The following CTNNBL1 variants were observed in gnomAD, a reference collection of about 807,000 sequenced individuals.
The protein encoded by CTNNBL1 is beta-catenin-like protein 1.
A neutral mutation model predicts 72.7 loss-of-function variants in CTNNBL1; 31 were observed. That is an observed-to-expected ratio of 0.43 (90% confidence interval 0.32 to 0.58). The LOEUF (loss-of-function observed/expected upper bound fraction) is 0.58, where lower values mean the gene tolerates loss of function less well. Among genes scored for constraint, CTNNBL1 ranks in the 20% least tolerant of loss-of-function variants. CTNNBL1 has a pLI of 0.08. For synonymous variants in CTNNBL1, 240 were observed against 267.3 expected, an observed-to-expected ratio of 0.90 and a Z score of 1.00; for missense variants, 534 against 725.1, an observed-to-expected ratio of 0.74 and a Z score of 3.03.
At chr20:37,699,000 C>G (rs958592790) in intron 1 of CTNNBL1, among the ~76,000 whole-genome samples, 3 of 152,180 alleles carry the variant, frequency 2.0e-5, no homozygotes, top group African/African-American at 7.2e-5. Context: ...GAGCCAAGAT[C>G]ATGCCACTGT....
chr20:37,870,762 C>T (rs1429591927), intron 15 of CTNNBL1, among the ~76,000 whole-genome samples: 1 of 152,172 alleles, frequency 6.6e-6, no homozygotes, highest in African/African-American at 2.4e-5. Flanking sequence ...CAGCCCTTAC[C>T]GTGGTGCACA....
intron 3 of CTNNBL1, chr20:37,744,697 C>T (rs1004025267): frequency 2.0e-5 from 3 of 152,010 alleles, no homozygotes; most frequent in African/African-American, 7.3e-5. Flanking sequence ...GGAGAAGGAC[C>T]CATAGCAGTT....
intron 1 of CTNNBL1, among the ~76,000 whole-genome samples, chr20:37,718,289 A>AC (rs1321833156): frequency 8.4e-6 from 1 of 118,948 alleles, no homozygotes; most frequent in South Asian, 2.7e-4. Flanking sequence ...CGGGGGGCTG[A>AC]CCCCCCCACC....
At chr20:37,712,996 A>G (rs1206660898) in intron 1 of CTNNBL1, among the ~76,000 whole-genome samples, 1 of 152,196 alleles carries the variant, frequency 6.6e-6, no homozygotes, top group Non-Finnish European at 1.5e-5. Flanking sequence ...TAGAGTTTCA[A>G]AGGGCTGCTA....
At chr20:37,710,494 G>A (rs1568745965) in intron 1 of CTNNBL1, among the ~76,000 whole-genome samples, 2 of 152,146 alleles carry the variant, frequency 1.3e-5, no homozygotes, top group African/African-American at 4.8e-5. Flanking sequence ...CGAAGTCTGT[G>A]AGATACTAGA....
chr20:37,777,427 CCT>C lies in CTNNBL1; in HGVS notation c.823+14_823+15del, dbSNP rs2073585897. Reference sequence around the variant, plus strand: ...CTCCAGGACAATGATGGTGAGGCGCCCTCTCAGTATTGATATTCTGTTAGGAT... The same window carrying C: ...CTCCAGGACAATGATGGTGAGGCGCCCTCAGTATTGATATTCTGTTAGGAT... On this transcript the variant is annotated intron_variant, in intron 8 of 15. Coordinates refer to ENST00000361383, the MANE Select transcript of CTNNBL1 (RefSeq NM_030877.5). The C allele has an allele frequency of 1.2e-6, 2 of 1,612,610 alleles. No homozygotes were observed. Among genetic ancestry groups the C allele is most frequent in the Middle Eastern group, 1.7e-4 (1 of 6,054 alleles).
intron 11 of CTNNBL1, among the ~76,000 whole-genome samples, chr20:37,807,600 T>C (rs566481814): frequency 6.6e-6 from 1 of 152,340 alleles, no homozygotes; most frequent in South Asian, 2.1e-4. Context: ...AAGGTGACTC[T>C]AAAGAGGGGA....
chr20:37,780,242 A>G (rs952268465), intron 10 of CTNNBL1, among the ~76,000 whole-genome samples: 2 of 152,022 alleles, frequency 1.3e-5, no homozygotes, highest in East Asian at 1.9e-4. Flanking sequence ...GAACTAAGAT[A>G]TTTCTTTGGA....
At chr20:37,727,091 T>G (rs2073091504) in intron 1 of CTNNBL1, among the ~76,000 whole-genome samples, 2 of 152,174 alleles carry the variant, frequency 1.3e-5, no homozygotes, top group South Asian at 4.1e-4. Flanking sequence ...TACATTACTT[T>G]GAGCTCAATA....
intron 15 of CTNNBL1, among the ~76,000 whole-genome samples, chr20:37,865,217 A>G (rs1600538738): frequency 6.6e-6 from 1 of 152,250 alleles, no homozygotes; most frequent in South Asian, 2.1e-4. Flanking sequence ...CCTGTCCCCA[A>G]CAGGCATACG....
At chr20:37,861,282 A>C (rs1034217115) in intron 15 of CTNNBL1, among the ~76,000 whole-genome samples, 2 of 152,030 alleles carry the variant, frequency 1.3e-5, no homozygotes, top group African/African-American at 4.8e-5. Context: ...CTTTGACTGG[A>C]CCTGACTCAG....
chr20:37,761,680 A>G (rs1208566226), intron 5 of CTNNBL1, among the ~76,000 whole-genome samples: 1 of 152,232 alleles, frequency 6.6e-6, no homozygotes, highest in Non-Finnish European at 1.5e-5. Flanking sequence ...GTATGAGTGT[A>G]GGGAGAGACA....
At chr20:37,853,686 T>C (rs1216681837) in intron 13 of CTNNBL1, among the ~76,000 whole-genome samples, 17 of 152,234 alleles carry the variant, frequency 1.1e-4, no homozygotes, top group Non-Finnish European at 1.5e-5. Context: ...ATAAAGGTGA[T>C]GCCGTCTTCT....
intron 1 of CTNNBL1, among the ~76,000 whole-genome samples, chr20:37,727,818 G>A (rs2073097541): frequency 6.6e-6 from 1 of 152,188 alleles, no homozygotes; most frequent in Admixed American, 6.5e-5. Flanking sequence ...TGGATCAAGA[G>A]CCCTTTGGCT....
chr20:37,802,926 C>G lies in CTNNBL1; in HGVS notation c.1091C>G (p.Pro364Arg), dbSNP rs1230823529. Reference sequence around the variant, plus strand: ...GTGCTGGACCATGCCATGATTGGCCCCGAAGGCACAGACAACTGCCATAAG... The same window carrying G: ...GTGCTGGACCATGCCATGATTGGCCGCGAAGGCACAGACAACTGCCATAAG... ...LKVLDHAMIG[P>R]EGTDNCHKFV... Residue 364 changes from proline to arginine, a missense_variant, in exon 11 of 16, where the codon CCC becomes CGC. By Grantham distance (103) the Pro-to-Arg change is moderately radical (BLOSUM62 -2). Coordinates refer to ENST00000361383, the MANE Select transcript of CTNNBL1 (RefSeq NM_030877.5). 1 of 1,613,944 alleles carries G rather than the reference C, an allele frequency of 6.2e-7. No individual in the cohort carries two copies.
At chr20:37,722,091 G>A (rs1379993850) in intron 1 of CTNNBL1, among the ~76,000 whole-genome samples, 1 of 152,064 alleles carries the variant, frequency 6.6e-6, no homozygotes, top group African/African-American at 2.4e-5. Flanking sequence ...TTCTAATGAG[G>A]TTGGGCTACT....
intron 10 of CTNNBL1, among the ~76,000 whole-genome samples, chr20:37,785,741 G>A (rs1156981566): frequency 6.6e-6 from 1 of 152,042 alleles, no homozygotes; most frequent in Non-Finnish European, 1.5e-5. Context: ...ATTGTCACTG[G>A]TCTCTTACTT....
At chr20:37,725,791 C>A (rs1276716527) in intron 1 of CTNNBL1, among the ~76,000 whole-genome samples, 1 of 151,748 alleles carries the variant, frequency 6.6e-6, no homozygotes, top group Non-Finnish European at 1.5e-5. Flanking sequence ...CGAGACCAGC[C>A]TTGTCAACAT....
chr20:37,836,447 T>C (rs1421260130), intron 11 of CTNNBL1, among the ~76,000 whole-genome samples: 1 of 152,186 alleles, frequency 6.6e-6, no homozygotes, highest in Non-Finnish European at 1.5e-5. Flanking sequence ...TATTGTTCCT[T>C]CTGCCTGGAA....
Sources: allele counts gnomAD v4.1 joint callset (sites outside exome capture counted in the v4.1 genomes callset), GRCh38; gene constraint gnomAD v4.1.1; transcripts MANE v1.5; gene names NCBI Gene and HGNC (gene_info 2026-07-23, HGNC 2026-07-21).